Variants in STX17 observed in about 807,000 individuals in gnomAD.
STX17 encodes the protein syntaxin-17.
STX17 carries 29 observed loss-of-function variants against 35.9 expected under a neutral mutation model. That is an observed-to-expected ratio of 0.81 (90% CI 0.60 to 1.10). The LOEUF (loss-of-function observed/expected upper bound fraction) is 1.10. STX17 is among the 50% of genes least tolerant of loss of function. The pLI is 0.00. For synonymous variants in STX17, 92 were observed against 118.3 expected, an observed-to-expected ratio of 0.78 and a Z score of 1.44; for missense variants, 312 against 352.3, an observed-to-expected ratio of 0.89 and a Z score of 0.92.
In STX17 at chr9:99,969,208, G is replaced by C. The variant is rs748330511; in HGVS notation, c.*535G>C. 1 of 152,150 alleles carries C rather than the reference G, an allele frequency of 6.6e-6. No individual in the cohort carries two copies. Among genetic ancestry groups the C allele is most frequent in the Non-Finnish European group, 1.5e-5 (1 of 68,026 alleles). The allele number at this position is 152,150 out of a possible 1,614,324, so 9.4% of individuals were successfully genotyped here. On this transcript the variant is annotated 3_prime_UTR_variant, in exon 8 of 8. Transcript: ENST00000259400. ...GCAATTTGGTCCAACTATATCTTCT[G>C]GTGAAGGAAATTAATGATGTAAGAA...
intron 6 of STX17, among the ~76,000 whole-genome samples, chr9:99,963,186 C>A (rs1829859628): frequency 6.6e-6 from 1 of 152,142 alleles, no homozygotes; most frequent in Admixed American, 6.6e-5. Context: ...ATTGACAGAT[C>A]AAGGTATAGT....
rs1830067024 is a variant in STX17 at position 99,974,387 on chromosome 9, G to A, written c.*5714G>A. Among the ~76,000 whole-genome samples, 1 of 152,146 alleles carries A rather than the reference G, an allele frequency of 6.6e-6. No individual in the cohort carries two copies. The highest frequency in any genetic ancestry group is 2.1e-4 in the South Asian group (1 of 4,830). On this transcript the variant is annotated 3_prime_UTR_variant, in exon 8 of 8. Transcript: ENST00000259400. ...TTTTCCATTTTATTGTTAAACACTT[G>A]GTGTTAGCAAGGGTCAGCACGAGAA...
At chr9:99,923,125 T>A (rs939486209) in intron 2 of STX17, among the ~76,000 whole-genome samples, 1 of 152,174 alleles carries the variant, frequency 6.6e-6, no homozygotes, top group East Asian at 1.9e-4. Context: ...CTCTCTTTTT[T>A]TTCTTCCAAC....
At chr9:99,910,871 A>G (rs1828646361) in intron 1 of STX17, among the ~76,000 whole-genome samples, 1 of 152,042 alleles carries the variant, frequency 6.6e-6, no homozygotes, top group African/African-American at 2.4e-5. Context: ...CCAGGAGATC[A>G]ACTTTTTTCC....
At chr9:99,943,799 T>C (rs1829418656) in intron 3 of STX17, among the ~76,000 whole-genome samples, 1 of 152,196 alleles carries the variant, frequency 6.6e-6, no homozygotes, top group Admixed American at 6.5e-5. Context: ...TTCTTAAGTT[T>C]CGTTTCAAGG....
At chr9:99,966,354 G>C (rs888581353) in intron 6 of STX17, among the ~76,000 whole-genome samples, 1 of 152,234 alleles carries the variant, frequency 6.6e-6, no homozygotes, top group African/African-American at 2.4e-5. Flanking sequence ...TTTTGTGTAT[G>C]AGAAGGGAAG....
rs1287429273 is a variant in STX17 at position 99,920,296 on chromosome 9, G to A, written c.123+4934G>A. Among the ~76,000 whole-genome samples the A allele has an allele frequency of 4.6e-5, 7 of 152,138 alleles. No individual in the cohort carries two copies. The South Asian group carries it at 6.2e-4, about 14-fold the overall frequency. On this transcript the variant is annotated intron_variant, in intron 2 of 7. Coordinates refer to ENST00000259400, the MANE Select transcript of STX17 (RefSeq NM_017919.3). The stretch of plus-strand genomic sequence containing the variant: ...CTGTTATGAAGATATACAGATATGC[G>A]TGGAAGGAAACAGTCCTCTTCTTCT...
chr9:99,933,902 A>G (rs918238388), intron 3 of STX17, among the ~76,000 whole-genome samples: 2 of 152,222 alleles, frequency 1.3e-5, no homozygotes, highest in African/African-American at 2.4e-5. Flanking sequence ...AATATTTAGT[A>G]ACAATACTAA....
At chr9:99,914,132 T>G (rs1370863355) in intron 1 of STX17, 3 of 152,120 alleles carry the variant, frequency 2.0e-5, no homozygotes, top group Admixed American at 6.6e-5. Context: ...TCATAAAGAT[T>G]CAGTGGCTCC....
chr9:99,921,852 A>G (rs1270237342), intron 2 of STX17, among the ~76,000 whole-genome samples: 1 of 152,002 alleles, frequency 6.6e-6, no homozygotes, highest in Non-Finnish European at 1.5e-5. Flanking sequence ...CATCTGAAGT[A>G]TCTAGGTTTG....
chr9:99,929,387 A>G (rs1829062198), intron 3 of STX17, among the ~76,000 whole-genome samples: 1 of 151,784 alleles, frequency 6.6e-6, no homozygotes, highest in Admixed American at 6.6e-5. Context: ...TTAAAAATAC[A>G]TTTTAATTAT....
intron 4 of STX17, among the ~76,000 whole-genome samples, chr9:99,957,291 C>G (rs190187346): frequency 5.9e-5 from 9 of 152,250 alleles, no homozygotes; most frequent in Non-Finnish European, 1.3e-4. Flanking sequence ...ACCCACAGCT[C>G]GGAAGTCTCA....
intron 3 of STX17, among the ~76,000 whole-genome samples, chr9:99,933,836 A>T (rs910362948): frequency 6.6e-6 from 1 of 152,232 alleles, no homozygotes; most frequent in Non-Finnish European, 1.5e-5. Context: ...ATACAAAAGT[A>T]TAAAAGGAAT....
intron 1 of STX17, among the ~76,000 whole-genome samples, chr9:99,911,675 T>C (rs890242537): frequency 2.0e-5 from 3 of 152,216 alleles, no homozygotes; most frequent in Admixed American, 2.0e-4. Flanking sequence ...GCTCACACTT[T>C]AGGGCTCAAG....
chr9:99,928,857 A>AT lies in STX17; in HGVS notation c.189+20dup, dbSNP rs1829047061. 1.9e-6 allele frequency: 3 copies of AT among 1,611,276 alleles called. No homozygotes were observed. Among genetic ancestry groups the AT allele is most frequent in the East Asian group, 2.2e-5 (1 of 44,738 alleles). ...CGTACAGTTCAGGTAAGGCTATTAT[A>AT]TTTTTTCTGCTAAATCAGTATGAAA... On this transcript the variant is annotated intron_variant, in intron 3 of 7. Coordinates refer to ENST00000259400, the MANE Select transcript of STX17 (RefSeq NM_017919.3).
chr9:99,942,281 G>T (rs532447519), intron 3 of STX17, among the ~76,000 whole-genome samples: 15 of 152,144 alleles, frequency 9.9e-5, no homozygotes, highest in African/African-American at 3.6e-4. Flanking sequence ...AGTTTCTGTG[G>T]GTTGTTTGTA....
intron 3 of STX17, among the ~76,000 whole-genome samples, chr9:99,931,419 A>G (rs917857748): frequency 3.3e-5 from 5 of 150,882 alleles, no homozygotes; most frequent in Non-Finnish European, 5.9e-5. Context: ...CTAAAAATTC[A>G]TGTGCTTTAG....
chr9:99,915,102 G>A, intron 1 of STX17, 76 bp from the exon 2 acceptor site: 4 of 1,006,898 alleles, frequency 4.0e-6, no homozygotes, highest in Non-Finnish European at 5.4e-6. Context: ...AGAATAAATT[G>A]TAAAACTAAT....
chr9:99,956,766 G>T (rs745995508), intron 4 of STX17, among the ~76,000 whole-genome samples: 1 of 152,118 alleles, frequency 6.6e-6, no homozygotes, highest in Non-Finnish European at 1.5e-5. Context: ...TTACTTTTTA[G>T]TCCATTGACT....
Sources: allele counts gnomAD v4.1 joint callset (sites outside exome capture counted in the v4.1 genomes callset), GRCh38; gene constraint gnomAD v4.1.1; transcripts MANE v1.5; gene names NCBI Gene and HGNC (gene_info 2026-07-23, HGNC 2026-07-21).